The following CADM2 variants were observed in gnomAD, a reference collection of about 807,000 sequenced individuals.
CADM2 encodes cell adhesion molecule 2.
A neutral mutation model predicts 49.8 loss-of-function variants in CADM2; 12 were observed. That is an observed-to-expected ratio of 0.24 (90% CI 0.15 to 0.39). The LOEUF is 0.39. Among genes scored for constraint, CADM2 ranks in the 10% least tolerant of loss-of-function variants. The probability of loss-of-function intolerance (pLI) is 1.00; values close to 1 mark genes in which losing one functional copy is unlikely to be tolerated. For missense variants in CADM2, 378 were observed against 492.3 expected (o/e 0.77, Z 2.20); for synonymous variants, 214 against 175.4 (o/e 1.22, Z -1.74).
intron 1 of CADM2, among the ~76,000 whole-genome samples, chr3:85,252,594 G>A (rs780654553): frequency 4.0e-5 from 6 of 151,854 alleles, no homozygotes; most frequent in Non-Finnish European, 7.4e-5. Context: ...ATATTTTATG[G>A]GAATTACTTT....
chr3:85,230,163 C>T (rs1345826181), intron 1 of CADM2, among the ~76,000 whole-genome samples: 1 of 152,126 alleles, frequency 6.6e-6, no homozygotes, highest in African/African-American at 2.4e-5. Context: ...AGGATTTATT[C>T]ACAGCAAGGA....
chr3:85,215,436 A>G (rs540181033), intron 1 of CADM2, among the ~76,000 whole-genome samples: 145 of 151,368 alleles, frequency 9.6e-4, no homozygotes, highest in Non-Finnish European at 1.8e-3. Context: ...TGTTACATAG[A>G]TAAATTTGTG....
chr3:85,838,417 C>T (rs2074495141), intron 3 of CADM2, among the ~76,000 whole-genome samples: 1 of 151,812 alleles, frequency 6.6e-6, no homozygotes, highest in African/African-American at 2.4e-5. Flanking sequence ...CTCTTCTAAA[C>T]ACAGAGCCTT....
chr3:85,781,983 T>C (rs181871789), intron 2 of CADM2, among the ~76,000 whole-genome samples: 299 of 152,366 alleles, frequency 2.0e-3, no homozygotes, highest in African/African-American at 6.9e-3. Context: ...TAGCCACTTA[T>C]GCTTTGCTAC....
chr3:85,956,381 A>G (rs1271527406), intron 7 of CADM2, among the ~76,000 whole-genome samples: 2 of 151,670 alleles, frequency 1.3e-5, no homozygotes, highest in African/African-American at 2.4e-5. Context: ...GACTTGCTAA[A>G]CCACTTAATA....
intron 3 of CADM2, among the ~76,000 whole-genome samples, chr3:85,855,612 TATATAAAAC>T (rs1392128166): frequency 4.0e-5 from 2 of 50,524 alleles, no homozygotes; most frequent in Non-Finnish European, 7.4e-5. Context: ...CATATATATA[TATATAAAAC>T]ATATATATAT....
At chr3:85,198,088 T>C (rs1576096957) in intron 1 of CADM2, among the ~76,000 whole-genome samples, 1 of 151,922 alleles carries the variant, frequency 6.6e-6, no homozygotes, top group African/African-American at 2.4e-5. Flanking sequence ...TTTATATTTA[T>C]CTTTTAAAAT....
intron 1 of CADM2, among the ~76,000 whole-genome samples, chr3:85,374,121 T>G (rs555009122): frequency 6.6e-6 from 1 of 152,326 alleles, no homozygotes; most frequent in East Asian, 1.9e-4. Flanking sequence ...TTCCAAAGTT[T>G]TATGCTCTGC....
chr3:85,287,203 T>A (rs553027827), intron 1 of CADM2, among the ~76,000 whole-genome samples: 1 of 152,152 alleles, frequency 6.6e-6, no homozygotes, highest in East Asian at 1.9e-4. Flanking sequence ...GTTGATGTTA[T>A]TCCTGCATTA....
rs571038723 is a variant in CADM2, at chr3:85,557,859, C to T, written c.62-168663C>T. ...CACAAGACTTGATCCTTCATAAAGA[C>T]ATTTTTTGCTATTCATTTAACAGTT... is the stretch of plus-strand genomic sequence containing the variant. On this transcript the variant is annotated intron_variant, in intron 1 of 9. Coordinates refer to ENST00000383699, the MANE Select transcript of CADM2 (RefSeq NM_001167675.2). Among the ~76,000 whole-genome samples the T allele has an allele frequency of 7.9e-5, 12 of 152,040 alleles. No homozygotes were observed. In the South Asian group the frequency reaches 1.2e-3, roughly 16 times the overall value.
At chr3:85,440,480 G>A (rs1261572521) in intron 1 of CADM2, among the ~76,000 whole-genome samples, 1 of 152,112 alleles carries the variant, frequency 6.6e-6, no homozygotes, top group African/African-American at 2.4e-5. Context: ...TGAAGAGACA[G>A]TTACGTGTAA....
At position 85,772,967 on chromosome 3, in the gene CADM2, C is replaced by G. The variant is rs182345462; in HGVS notation, c.89-29080C>G. Reference sequence around the variant, plus strand: ...ATGTGATCATTTTGCTGTATGATTCCCTGTGATAAATATATTAGTTAGGTA... The same window carrying G: ...ATGTGATCATTTTGCTGTATGATTCGCTGTGATAAATATATTAGTTAGGTA... On this transcript the variant is annotated intron_variant, in intron 2 of 9. Coordinates refer to ENST00000383699, the MANE Select transcript of CADM2 (RefSeq NM_001167675.2). Among the ~76,000 whole-genome samples, 337 of 151,116 alleles carry G rather than the reference C, an allele frequency of 2.2e-3. 1 individual carries two copies. Among genetic ancestry groups the G allele is most frequent in the African/African-American group, 8.0e-3 (328 of 41,148 alleles).
intron 8 of CADM2, among the ~76,000 whole-genome samples, chr3:86,029,283 G>A (rs1734272541): frequency 2.0e-5 from 3 of 152,094 alleles, no homozygotes; most frequent in Admixed American, 2.0e-4. Context: ...AAAGAGAATG[G>A]AGAGAGGCTG....
At chr3:85,580,364 T>A (rs1344001949) in intron 1 of CADM2, among the ~76,000 whole-genome samples, 1 of 152,158 alleles carries the variant, frequency 6.6e-6, no homozygotes. Flanking sequence ...ACCTTTCCGA[T>A]GCATCTTAGT....
chr3:85,177,367 A>C (rs1157245962), intron 1 of CADM2, among the ~76,000 whole-genome samples: 1 of 152,054 alleles, frequency 6.6e-6, no homozygotes, highest in African/African-American at 2.4e-5. Context: ...ATTTATTGAA[A>C]TATTTTTATG....
At chr3:85,877,684 G>GTTTTTTTT (rs368101272) in intron 3 of CADM2, among the ~76,000 whole-genome samples, 2 of 112,026 alleles carry the variant, frequency 1.8e-5, no homozygotes, top group Non-Finnish European at 3.6e-5. Flanking sequence ...TTTTTCTTCT[G>GTTTTTTTT]TTTTTTTTTT....
At chr3:86,065,126 A>G (rs1198865749) in intron 8 of CADM2, among the ~76,000 whole-genome samples, 1 of 152,142 alleles carries the variant, frequency 6.6e-6, no homozygotes, top group African/African-American at 2.4e-5. Context: ...TATTTTCTCC[A>G]TCTAGACACC....
rs114202704 is a variant in CADM2 at position 85,004,301 on chromosome 3, G to A, written c.61+44633G>A. On this transcript the variant is annotated intron_variant, in intron 1 of 9. Transcript: ENST00000383699. Reference sequence around the variant, plus strand: ...TTTTTCTCATTCTACACATCTGTTCGAGTATTATTTTCCACTATTCTCTTA... The same window carrying A: ...TTTTTCTCATTCTACACATCTGTTCAAGTATTATTTTCCACTATTCTCTTA... Among the ~76,000 whole-genome samples, 931 of 152,148 alleles carry A rather than the reference G, an allele frequency of 6.1e-3. 16 individuals are homozygous for A. Among genetic ancestry groups the A allele is most frequent in the African/African-American group, 0.021 (891 of 41,538 alleles).
At position 85,277,644 on chromosome 3, in the gene CADM2, C is replaced by T. The variant is rs2043390253; in HGVS notation, c.61+317976C>T. Among the ~76,000 whole-genome samples the T allele has an allele frequency of 2.0e-5, 3 of 151,368 alleles. 1 individual carries two copies. In the South Asian group the frequency reaches 6.2e-4, roughly 31 times the overall value. On this transcript the variant is annotated intron_variant, in intron 1 of 9. Transcript: ENST00000383699. ...AACTTCTTGTATTTCTTTTATTGCA[C>T]TGAATACAAATCAGCCAATCTACTG... is the stretch of plus-strand genomic sequence containing the variant.
Sources: allele counts gnomAD v4.1 joint callset (sites outside exome capture counted in the v4.1 genomes callset), GRCh38; gene constraint gnomAD v4.1.1; transcripts MANE v1.5; gene names NCBI Gene and HGNC (gene_info 2026-07-23, HGNC 2026-07-21).